Variants in HERC3 observed in about 807,000 individuals in gnomAD.
The protein encoded by HERC3 is HECT and RLD domain containing E3 ubiquitin protein ligase 3.
In HERC3, 58 loss-of-function variants were observed where a neutral mutation model predicts 129.9. The ratio of observed to expected loss-of-function variants is 0.45; its 90% CI spans 0.36 to 0.56. HERC3 has a LOEUF of 0.56. HERC3 is among the 20% of genes least tolerant of loss of function. The pLI is 0.00. For missense variants in HERC3, 835 were observed against 1,244.2 expected, an observed-to-expected ratio of 0.67 and a Z score of 4.95; for synonymous variants, 430 against 451.0, an observed-to-expected ratio of 0.95 and a Z score of 0.59.
chr4:88,694,177 G>A (rs1363369507), intron 23 of HERC3, among the ~76,000 whole-genome samples: 2 of 152,170 alleles, frequency 1.3e-5, no homozygotes, highest in African/African-American at 2.4e-5. Context: ...CCCTGCCAGA[G>A]CCCCGGCTCA....
chr4:88,541,055 TA>T, the HERC3 span, among the ~76,000 whole-genome samples: 1 of 152,174 alleles, frequency 6.6e-6, no homozygotes, highest in Non-Finnish European at 1.5e-5. Context: ...AATAACCAGC[TA>T]ACATCATAAT....
chr4:88,693,226 T>C (rs1405119679), intron 23 of HERC3: 1 of 978,780 alleles, frequency 1.0e-6, no homozygotes, highest in Admixed American at 6.2e-5. Context: ...TTAATAAGAC[T>C]ATATCAAGTA....
chr4:88,654,731 A>G (rs1196958838), intron 7 of HERC3, among the ~76,000 whole-genome samples: 2 of 152,024 alleles, frequency 1.3e-5, no homozygotes, highest in Non-Finnish European at 2.9e-5. Context: ...ATATTATTCT[A>G]CGTTCACTTT....
chr4:88,620,554 C>T (rs1167943026), intron 3 of HERC3, among the ~76,000 whole-genome samples: 1 of 152,178 alleles, frequency 6.6e-6, no homozygotes, highest in East Asian at 1.9e-4. Context: ...TCTCATACCT[C>T]TTCTACCCCT....
chr4:88,637,082 T>C (rs1400221386), intron 3 of HERC3, among the ~76,000 whole-genome samples: 1 of 151,332 alleles, frequency 6.6e-6, no homozygotes, highest in African/African-American at 2.4e-5. Context: ...TGGGCTGAGA[T>C]TGCACTACTG....
At chr4:88,547,612 T>A in the HERC3 span, among the ~76,000 whole-genome samples, 3 of 152,204 alleles carry the variant, frequency 2.0e-5, no homozygotes, top group Non-Finnish European at 4.4e-5. Flanking sequence ...AATCAGACAA[T>A]ATGTGATCTT....
In HERC3 at chr4:88,704,206, T is replaced by C. The variant is rs1446343809; in HGVS notation, c.2766T>C (p.Leu922=). ...TAAAGGTGTGTGGTGGCAAAGTACT[T>C]GAGCTCTTCCAGCCTTCAGAACTGA... The part of the protein sequence containing the change: ...GFLKVCGGKV[L]ELFQPSELRA... The change falls in exon 24 of 26, where the codon CTT becomes CTC. Residue 922 remains leucine, a synonymous_variant. Coordinates refer to ENST00000402738, the MANE Select transcript of HERC3 (RefSeq NM_014606.3). The C allele has an allele frequency of 1.2e-5, 19 of 1,614,030 alleles. No individual in the cohort carries two copies. Among genetic ancestry groups the C allele is most frequent in the Middle Eastern group, 3.3e-4 (2 of 6,082 alleles).
chr4:88,642,416 A>G, intron 3 of HERC3, among the ~76,000 whole-genome samples: 1 of 152,256 alleles, frequency 6.6e-6, no homozygotes, highest in Admixed American at 6.5e-5. Flanking sequence ...AAGGACATCT[A>G]CCAACAAATC....
At chr4:88,648,045 G>C (rs2149266197) in intron 3 of HERC3, among the ~76,000 whole-genome samples, 1 of 151,944 alleles carries the variant, frequency 6.6e-6, no homozygotes, top group Middle Eastern at 3.4e-3. Context: ...AAGTATTTTT[G>C]TTTGGTTATT....
chr4:88,640,279 G>A lies in HERC3; in HGVS notation c.227-9561G>A, dbSNP rs1428011349. Among the ~76,000 whole-genome samples the A allele has an allele frequency of 2.0e-5, 3 of 152,288 alleles. No homozygotes were observed. The South Asian group carries it at 6.2e-4, about 32-fold the overall frequency. On this transcript the variant is annotated intron_variant, in intron 3 of 25. Coordinates refer to ENST00000402738, the MANE Select transcript of HERC3 (RefSeq NM_014606.3). Reference sequence around the variant, plus strand: ...ACTAAAAAGACAGATGCACACATATGTTTATTGCAGCACTATTTACAATAG... The same window carrying A: ...ACTAAAAAGACAGATGCACACATATATTTATTGCAGCACTATTTACAATAG...
the HERC3 span, among the ~76,000 whole-genome samples, chr4:88,566,962 G>GT: frequency 8.2e-3 from 1,236 of 151,592 alleles, 9 homozygotes; most frequent in Non-Finnish European, 0.012. Flanking sequence ...GCTAATTTTT[G>GT]TTTTTTTTGT....
intron 3 of HERC3, among the ~76,000 whole-genome samples, chr4:88,642,005 C>T (rs936221742): frequency 6.6e-6 from 1 of 151,698 alleles, no homozygotes; most frequent in African/African-American, 2.4e-5. Context: ...CTGGTGCATG[C>T]CTGTAATCTC....
rs189798375 is a variant in HERC3, at chr4:88,688,687, A to C, written c.2657+1388A>C. 2.0e-5 allele frequency among the ~76,000 whole-genome samples: 3 copies of C among 152,322 alleles called. No homozygotes were observed. In the East Asian group the frequency reaches 5.8e-4, roughly 29 times the overall value. On this transcript the variant is annotated intron_variant, in intron 23 of 25. Coordinates refer to ENST00000402738, the MANE Select transcript of HERC3 (RefSeq NM_014606.3). The stretch of plus-strand genomic sequence containing the variant: ...CCAGGTGATTGTGTTTAGAGCAGAA[A>C]ATTTATATATCTCAATAAAGAAGTC...
intron 3 of HERC3, among the ~76,000 whole-genome samples, chr4:88,606,447 A>G (rs987448481): frequency 2.0e-5 from 3 of 151,956 alleles, no homozygotes; most frequent in Non-Finnish European, 4.4e-5. Flanking sequence ...GAACATATGT[A>G]ATATCAGTTA....
At chr4:88,676,589 A>G (rs865973658) in intron 18 of HERC3, among the ~76,000 whole-genome samples, 166 bp downstream of exon 18, 2 of 152,366 alleles carry the variant, frequency 1.3e-5, no homozygotes, top group East Asian at 1.9e-4. Context: ...TATAACACAC[A>G]TAGGTGAATA....
chr4:88,649,927 T>C lies in HERC3; in HGVS notation c.314T>C (p.Leu105Pro). 6.2e-7 allele frequency: 1 copy of C among 1,614,110 alleles called. No individual in the cohort carries two copies. The highest frequency in any genetic ancestry group is 8.5e-7 in the Non-Finnish European group (1 of 1,179,984). ...CTGGCCCTCAGTGACCGAGGCCAGC[T>C]GTTTTCTTGGGGTGCAGGGAGTGAT... is the stretch of plus-strand genomic sequence containing the variant. ...HSLALSDRGQ[L>P]FSWGAGSDGQ... Residue 105 changes from leucine (L) to proline (P), a missense_variant, in exon 4 of 26, where the codon CTG becomes CCG. Transcript: ENST00000402738.
chr4:88,625,558 A>G (rs1726005255), intron 3 of HERC3, among the ~76,000 whole-genome samples: 1 of 152,084 alleles, frequency 6.6e-6, no homozygotes, highest in African/African-American at 2.4e-5. Flanking sequence ...TATTAGCTCT[A>G]TTAGCTTTTT....
At chr4:88,705,428 A>G (rs1451463612) in intron 25 of HERC3, among the ~76,000 whole-genome samples, 3 of 152,244 alleles carry the variant, frequency 2.0e-5, no homozygotes. Flanking sequence ...TGTAGAATAC[A>G]TTCATAACCT....
intron 23 of HERC3, among the ~76,000 whole-genome samples, chr4:88,687,936 T>C (rs750459609): frequency 4.6e-5 from 7 of 152,246 alleles, no homozygotes; most frequent in Non-Finnish European, 7.3e-5. Flanking sequence ...TAAATTATGC[T>C]AATCTGCATG....
Sources: gnomAD v4.1 joint callset for allele counts (sites outside exome capture counted in the v4.1 genomes callset) on GRCh38, gnomAD v4.1.1 for gene constraint, MANE v1.5 for transcripts, NCBI Gene and HGNC (gene_info 2026-07-23, HGNC 2026-07-21) for gene names.